Variants in RIPOR3 observed in about 807,000 individuals in gnomAD.
RIPOR3 encodes the protein family with sequence similarity 65 member C.
Under a neutral mutation model 114.3 loss-of-function variants are expected in RIPOR3, and 95 were observed. The ratio of observed to expected loss-of-function variants is 0.83; its 90% CI spans 0.70 to 0.99. The LOEUF is 0.99. RIPOR3 is among the 50% of genes least tolerant of loss of function. The pLI is 0.00. For synonymous variants in RIPOR3, 575 were observed against 543.8 expected (o/e 1.06, Z -0.80); for missense variants, 1,252 against 1,266.9 (o/e 0.99, Z 0.18).
chr20:50,597,809 G>C (rs1038911619), intron 13 of RIPOR3, 99 bp from the exon 14 acceptor site: 4 of 1,483,396 alleles, frequency 2.7e-6, no homozygotes, highest in Non-Finnish European at 3.6e-6. Context: ...GCAATGTCCC[G>C]GTCCCAAGCC....
At chr20:50,623,476 G>A (rs1229845781) in intron 2 of RIPOR3, among the ~76,000 whole-genome samples, 3 of 152,060 alleles carry the variant, frequency 2.0e-5, no homozygotes, top group Non-Finnish European at 4.4e-5. Flanking sequence ...TGCTCTGGGA[G>A]TGGATGCAAG....
chr20:50,682,458 G>A lies in RIPOR3; in HGVS notation c.3+8668C>T, dbSNP rs6012996. 5.4e-4 allele frequency among the ~76,000 whole-genome samples: 82 copies of A among 151,984 alleles called. 1 individual carries two copies. Among genetic ancestry groups the A allele is most frequent in the Non-Finnish European group, 1.6e-4 (11 of 67,974 alleles). ...GGCAAAGCCCCGTCTCTACAAAAAC[G>A]TAGCCAAGTGTGGTGGTGCACGCCT... On this transcript the variant is annotated intron_variant, in intron 1 of 21. Transcript: ENST00000327979.
At chr20:50,592,080 C>CT (rs1317724890) in intron 19 of RIPOR3, among the ~76,000 whole-genome samples, 2 of 152,206 alleles carry the variant, frequency 1.3e-5, no homozygotes, top group Non-Finnish European at 2.9e-5. Flanking sequence ...GAGCAGAACT[C>CT]TGTCTAAACA....
At chr20:50,607,628 G>A (rs963521128) in intron 11 of RIPOR3, among the ~76,000 whole-genome samples, 6 of 152,100 alleles carry the variant, frequency 3.9e-5, no homozygotes, top group Non-Finnish European at 8.8e-5. Context: ...AGGGGCCCCT[G>A]GGCGAGGGGT....
chr20:50,606,397 C>T (rs929639965), intron 11 of RIPOR3, among the ~76,000 whole-genome samples: 4 of 152,088 alleles, frequency 2.6e-5, no homozygotes, highest in African/African-American at 9.7e-5. Flanking sequence ...ACGCAATCTT[C>T]CTAAAGCTAA....
chr20:50,591,121 A>G (rs906532960), intron 19 of RIPOR3, among the ~76,000 whole-genome samples: 5 of 152,228 alleles, frequency 3.3e-5, no homozygotes, highest in Admixed American at 3.3e-4. Flanking sequence ...AAACGGGGAA[A>G]AAAACCTTTA....
chr20:50,665,421 C>CTTTTTTT (rs11471486), intron 1 of RIPOR3, among the ~76,000 whole-genome samples: 10,158 of 107,592 alleles, frequency 0.094, 1,067 homozygotes, highest in African/African-American at 0.18. Flanking sequence ...CCCCCTCTTC[C>CTTTTTTT]TTTTTTTTTT....
intron 13 of RIPOR3, 32 bp from the exon 14 acceptor site, chr20:50,597,742 C>T (rs760054172): frequency 6.2e-7 from 1 of 1,604,154 alleles, no homozygotes; most frequent in Non-Finnish European, 8.5e-7. Context: ...CTGAGGGCAA[C>T]ACCGGGCCCC....
At chr20:50,654,813 A>G (rs2085749394) in intron 1 of RIPOR3, among the ~76,000 whole-genome samples, 1 of 152,090 alleles carries the variant, frequency 6.6e-6, no homozygotes, top group Non-Finnish European at 1.5e-5. Flanking sequence ...TGGTGCCATC[A>G]CCACTCACTG....
intron 1 of RIPOR3, among the ~76,000 whole-genome samples, chr20:50,678,402 T>TCCCAC (rs1382046680): frequency 1.3e-5 from 2 of 149,632 alleles, no homozygotes; most frequent in African/African-American, 4.9e-5. Flanking sequence ...TACCCCCACC[T>TCCCAC]CCCACCCCAC....
At position 50,597,004 on chromosome 20, in the gene RIPOR3, C is replaced by T. The variant is rs772281733; in HGVS notation, c.1790+576G>A. ...TTTTTTTGAGACAGAGTCTTACTTT[C>T]GCCCAGGCTGAAATGTAGTGGTGCC... On this transcript the variant is annotated intron_variant, in intron 14 of 21. Coordinates refer to ENST00000327979, the MANE Select transcript of RIPOR3 (RefSeq NM_001290268.2). 22 of 152,762 alleles carry T rather than the reference C, an allele frequency of 1.4e-4. No homozygotes were observed. In the East Asian group the frequency reaches 2.3e-3, roughly 16 times the overall value. 9.5% of individuals were successfully genotyped at this position (152,762 alleles called of 1,614,324 possible).
intron 11 of RIPOR3, 59 bp downstream of exon 11, chr20:50,608,330 C>G (rs977966103): frequency 1.9e-6 from 3 of 1,604,600 alleles, no homozygotes; most frequent in Admixed American, 3.3e-5. Context: ...CAGAGTGTGG[C>G]CAGGCCACCA....
At chr20:50,589,095 A>G (rs1301307699) in intron 20 of RIPOR3, among the ~76,000 whole-genome samples, 2 of 26,090 alleles carry the variant, frequency 7.7e-5, no homozygotes, top group Non-Finnish European at 2.1e-4. Flanking sequence ...AAAAAAAAAA[A>G]AAAAAAAAAA....
intron 11 of RIPOR3, among the ~76,000 whole-genome samples, chr20:50,608,035 G>A (rs117635821): frequency 0.053 from 8,081 of 152,192 alleles, 316 homozygotes; most frequent in Non-Finnish European, 0.08. Flanking sequence ...AGCCAGGGTC[G>A]GCCAGGAATG....
At chr20:50,613,323 C>T (rs1052837373) in intron 4 of RIPOR3, among the ~76,000 whole-genome samples, 4 of 151,796 alleles carry the variant, frequency 2.6e-5, no homozygotes, top group East Asian at 1.9e-4. Flanking sequence ...CATGATTGTG[C>T]GCGCCTGTAA....
At chr20:50,608,136 A>G (rs559202022) in intron 11 of RIPOR3, among the ~76,000 whole-genome samples, 1 of 152,244 alleles carries the variant, frequency 6.6e-6, no homozygotes, top group African/African-American at 2.4e-5. Context: ...TGTCCCCCCA[A>G]CCTTCCCTGT....
chr20:50,619,748 G>A (rs541401754), intron 3 of RIPOR3, among the ~76,000 whole-genome samples: 1 of 152,334 alleles, frequency 6.6e-6, no homozygotes, highest in East Asian at 1.9e-4. Flanking sequence ...CCCCTCTGCA[G>A]TGCGTGCTCC....
In RIPOR3 at chr20:50,671,277, C is replaced by A. The variant is rs141148652; in HGVS notation, c.3+19849G>T. On this transcript the variant is annotated intron_variant, in intron 1 of 21. Coordinates refer to ENST00000327979, the MANE Select transcript of RIPOR3 (RefSeq NM_001290268.2). ...GTTCTGGGATTACAGGCATGAGCCA[C>A]CATGCCCAGCCATGGGTAGGCACTT... Among the ~76,000 whole-genome samples, 551 of 152,350 alleles carry A rather than the reference C, an allele frequency of 3.6e-3. 1 individual carries two copies. The highest frequency in any genetic ancestry group is 0.012 in the African/African-American group (509 of 41,580).
intron 1 of RIPOR3, among the ~76,000 whole-genome samples, chr20:50,652,236 C>T (rs1160015903): frequency 6.6e-6 from 1 of 152,186 alleles, no homozygotes; most frequent in Non-Finnish European, 1.5e-5. Flanking sequence ...TCTCCCCAGG[C>T]CTATCCCACC....
Sources: allele counts gnomAD v4.1 joint callset (sites outside exome capture counted in the v4.1 genomes callset), GRCh38; gene constraint gnomAD v4.1.1; transcripts MANE v1.5; gene names NCBI Gene and HGNC (gene_info 2026-07-23, HGNC 2026-07-21).